SUPT20HL2: variants seen among roughly 807,000 people sequenced by gnomAD.
SUPT20HL2 encodes transcription factor SPT20 homolog-like 2.
For missense variants in SUPT20HL2, 288 were observed against 127.4 expected, an observed-to-expected ratio of 2.26 and a Z score of -6.07; for synonymous variants, 125 against 51.6, an observed-to-expected ratio of 2.42 and a Z score of -6.10.
chrX:24,309,717 G>GAAAAAAAAAAAAAAAAAA lies in SUPT20HL2; in HGVS notation c.*1144_*1145insTTTTTTTTTTTTTTTTTT, dbSNP rs1939097074. Among the ~76,000 whole-genome samples the GAAAAAAAAAAAAAAAAAA allele has an allele frequency of 1.4e-4, 2 of 13,836 alleles. No homozygotes were observed. The highest frequency in any genetic ancestry group is 2.2e-4 in the Non-Finnish European group (2 of 9,294). 12.0% of individuals were successfully genotyped at this position (13,836 alleles called of 115,157 possible). ...TAAAAAAAAAAATTAAAAAAAAAAA[G>GAAAAAAAAAAAAAAAAAA]AAAAAAATAATAAAAATAAAAAAAA... On this transcript the variant is annotated 3_prime_UTR_variant, in exon 1 of 1. Transcript: ENST00000486479.
Position 24,308,436 on chromosome X carries a change from A to G in SUPT20HL2, c.*2426T>C. 1 of 299,101 alleles carries G rather than the reference A, an allele frequency of 3.3e-6. No individual in the cohort carries two copies. The highest frequency in any genetic ancestry group is 6.5e-6 in the Non-Finnish European group (1 of 153,184). The allele number at this position is 299,101 out of a possible 1,213,427, so 24.6% of individuals were successfully genotyped here. ...TGGTCATTGCACTCGTTCGCCTCTT[A>G]AAAGTGCAGGCACCATTCCCAATTA... On this transcript the variant is annotated 3_prime_UTR_variant, in exon 1 of 1. Transcript: ENST00000486479.
chrX:24,311,123 C>T lies in SUPT20HL2; in HGVS notation c.2193G>A (p.Leu731=). 1 of 370,564 alleles carries T rather than the reference C, an allele frequency of 2.7e-6. No homozygotes were observed. Among genetic ancestry groups the T allele is most frequent in the East Asian group, 7.9e-5 (1 of 12,627 alleles). The allele number at this position is 370,564 out of a possible 1,213,427, so 30.5% of individuals were successfully genotyped here. A position where few individuals can be genotyped will look rare whatever the true frequency, so the allele number is the denominator to read the frequency against. Residue 731 remains leucine (L), a synonymous_variant, in exon 1 of 1, where the codon CTG becomes CTA. Coordinates refer to ENST00000486479, the MANE Select transcript of SUPT20HL2 (RefSeq NM_001136233.3). ...QPQPQAAVLS[L]LGSAQVPQQG... ...GCTGAGGAACCTGGGCAGAGCCAAG[C>T]AGACTCAACACAGCAGCCTGGGGCT...
Position 24,311,020 on chromosome X carries a change from G to T in SUPT20HL2, c.2296C>A (p.Gln766Lys), listed in dbSNP as rs746355786. The T allele has an allele frequency of 2.6e-6, 1 of 381,658 alleles. No individual in the cohort carries two copies. Among genetic ancestry groups the T allele is most frequent in the African/African-American group, 2.5e-5 (1 of 39,260 alleles). The allele number at this position is 381,658 out of a possible 1,213,427, so 31.5% of individuals were successfully genotyped here. ...LLLQPQPQPQ[Q>K]IQLQTQPLRV... ...AAAGGCTGTGTCTGGAGCTGGATCT[G>T]CTGTGGCTGTGGTTGTGGCTGCAGC... Residue 766 changes from glutamine to lysine, a missense_variant, in exon 1 of 1, where the codon CAG becomes AAG. Gln to Lys is a moderately conservative substitution (Grantham distance 53). Transcript: ENST00000486479.
At position 24,309,704 on chromosome X, in the gene SUPT20HL2, T is replaced by TAAAAAAAAAAAAAAAAA. The variant is rs1569195653; in HGVS notation, c.*1157_*1158insTTTTTTTTTTTTTTTTT. 5.4e-5 allele frequency among the ~76,000 whole-genome samples: 1 copy of TAAAAAAAAAAAAAAAAA among 18,355 alleles called. No homozygotes were observed. The highest frequency in any genetic ancestry group is 3.0e-4 in the African/African-American group (1 of 3,386). 15.9% of individuals were successfully genotyped at this position (18,355 alleles called of 115,157 possible). On this transcript the variant is annotated 3_prime_UTR_variant, in exon 1 of 1. Transcript: ENST00000486479. ...AAAAAAAAAAAATTAAAAAAAAAAA[T>TAAAAAAAAAAAAAAAAA]TAAAAAAAAAAAGAAAAAAATAATA...
At position 24,311,662 on chromosome X, in the gene SUPT20HL2, C is replaced by T. The variant is rs189357682; in HGVS notation, c.1654G>A (p.Gly552Arg). 1.8e-5 allele frequency: 7 copies of T among 382,852 alleles called. No homozygotes were observed. Among genetic ancestry groups the T allele is most frequent in the African/African-American group, 1.0e-4 (4 of 39,088 alleles). The allele number at this position is 382,852 out of a possible 1,213,427, so 31.6% of individuals were successfully genotyped here. The change falls in exon 1 of 1, where the codon GGG becomes AGG. Residue 552 changes from glycine (G) to arginine (R), a missense_variant. Coordinates refer to ENST00000486479, the MANE Select transcript of SUPT20HL2 (RefSeq NM_001136233.3). ...IKASRRRPAA[G>R]RPTRFVKIAP... ...ATTTTTACGAATCTGGTGGGGCGCCCGGCAGCTGGACGGCGCCTGCTAGCT... is the reference window on the plus strand; with the variant it reads ...ATTTTTACGAATCTGGTGGGGCGCCTGGCAGCTGGACGGCGCCTGCTAGCT...
In SUPT20HL2 at chrX:24,311,305, C is replaced by G. The variant is rs1939122755; in HGVS notation, c.2011G>C (p.Val671Leu). The change falls in exon 1 of 1, where the codon GTT (valine) becomes CTT (leucine). Residue 671 changes from valine (V) to leucine (L), a missense_variant. Val to Leu is a conservative substitution (Grantham distance 32). Coordinates refer to ENST00000486479, the MANE Select transcript of SUPT20HL2 (RefSeq NM_001136233.3). ...GGCTGCTGGAGCTGCTGCAGGGAAA[C>G]CAGCTGATGGGACTGCTGCTGCGGG... The part of the protein sequence containing the change: ...TGPQQQSHQL[V>L]SLQQLQQPTA... The G allele has an allele frequency of 2.6e-6, 1 of 386,431 alleles. No homozygotes were observed. Among genetic ancestry groups the G allele is most frequent in the Non-Finnish European group, 5.2e-6 (1 of 192,523 alleles). The allele number at this position is 386,431 out of a possible 1,213,427, so 31.8% of individuals were successfully genotyped here. A position where few individuals can be genotyped will look rare whatever the true frequency, so the allele number is the denominator to read the frequency against.
At position 24,311,683 on chromosome X, in the gene SUPT20HL2, T is replaced by C. The variant is rs374633045; in HGVS notation, c.1633A>G (p.Ser545Gly). ...CGCCCGGCAGCTGGACGGCGCCTGC[T>C]AGCTTTAATAAGAGGCACAGAGGGC... ...QKPSVPLIKA[S>G]RRRPAAGRPT... Residue 545 changes from serine (S) to glycine (G), a missense_variant, in exon 1 of 1, where the codon AGC (serine) becomes GGC (glycine). Ser to Gly is a moderately conservative substitution (Grantham distance 56). Transcript: ENST00000486479. 1.0e-4 allele frequency: 39 copies of C among 380,859 alleles called. No individual in the cohort carries two copies. Among genetic ancestry groups the C allele is most frequent in the African/African-American group, 7.6e-4 (30 of 39,377 alleles). 31.4% of individuals were successfully genotyped at this position (380,859 alleles called of 1,213,427 possible).
rs1390230579 is a variant in SUPT20HL2 at position 24,312,577 on chromosome X, C to T, written c.739G>A (p.Val247Ile). The T allele has an allele frequency of 5.2e-6, 2 of 387,365 alleles. No individual in the cohort carries two copies. The highest frequency in any genetic ancestry group is 5.0e-5 in the Admixed American group (2 of 39,616). The allele number at this position is 387,365 out of a possible 1,213,427, so 31.9% of individuals were successfully genotyped here. ...QCLQRYSWPS[V>I]KPQQEQSDCP... ...TCAGACTGCTCCTGCTGTGGCTTTACAGAGGGCCACGAATACCTCTGGAGG... is the reference window on the plus strand; with the variant it reads ...TCAGACTGCTCCTGCTGTGGCTTTATAGAGGGCCACGAATACCTCTGGAGG... The change falls in exon 1 of 1, where the codon GTA (valine) becomes ATA (isoleucine). Residue 247 changes from valine (V) to isoleucine (I), a missense_variant. Physicochemically the swap from Val to Ile is conservative, Grantham distance 29. Transcript: ENST00000486479.
rs1939105384 is a variant in SUPT20HL2 at position 24,309,765 on chromosome X, A to AAAAAAAC, written c.*1096_*1097insGTTTTTT. On this transcript the variant is annotated 3_prime_UTR_variant, in exon 1 of 1. Coordinates refer to ENST00000486479, the MANE Select transcript of SUPT20HL2 (RefSeq NM_001136233.3). ...AAAAAAGAAAAAAAAAAAAAAAAAA[A>AAAAAAAC]AAAACATCCAAAAAGAGCCTTTTCA... Among the ~76,000 whole-genome samples, 1 of 92,770 alleles carries AAAAAAAC rather than the reference A, an allele frequency of 1.1e-5. No homozygotes were observed. The allele number at this position is 92,770 out of a possible 115,157, so 80.6% of individuals were successfully genotyped here. A position where few individuals can be genotyped will look rare whatever the true frequency, so the allele number is the denominator to read the frequency against.
In SUPT20HL2 at chrX:24,311,742, G is replaced by A. The variant is rs751946806; in HGVS notation, c.1574C>T (p.Ala525Val). The change falls in exon 1 of 1, where the codon GCG (alanine) becomes GTG (valine). Residue 525 changes from alanine (A) to valine (V), a missense_variant. Physicochemically the swap from Ala to Val is moderately conservative, Grantham distance 64. Transcript: ENST00000486479. Reference sequence around the variant, plus strand: ...ATGGCTTGGTGCCGCCCCACCGGCCGCCGCCGCCACAGCAGCAGCAGCTAA... The same window carrying A: ...ATGGCTTGGTGCCGCCCCACCGGCCACCGCCGCCACAGCAGCAGCAGCTAA... ...PALAAAAVAA[A>V]AGGAAPSHSQ... 11 of 353,724 alleles carry A rather than the reference G, an allele frequency of 3.1e-5. No homozygotes were observed. Among genetic ancestry groups the A allele is most frequent in the African/African-American group, 2.6e-4 (10 of 38,257 alleles). The allele number at this position is 353,724 out of a possible 1,213,427, so 29.2% of individuals were successfully genotyped here.
At position 24,309,900 on chromosome X, in the gene SUPT20HL2, TTA is replaced by T. The variant is rs1338106983; in HGVS notation, c.*960_*961del. Among the ~76,000 whole-genome samples the T allele has an allele frequency of 3.0e-4, 33 of 109,305 alleles. No homozygotes were observed. The highest frequency in any genetic ancestry group is 1.0e-3 in the African/African-American group (31 of 30,094). The allele number at this position is 109,305 out of a possible 115,157, so 94.9% of individuals were successfully genotyped here. A position where few individuals can be genotyped will look rare whatever the true frequency, so the allele number is the denominator to read the frequency against. On this transcript the variant is annotated 3_prime_UTR_variant, in exon 1 of 1. Coordinates refer to ENST00000486479, the MANE Select transcript of SUPT20HL2 (RefSeq NM_001136233.3). ...CTGCCACTAATTCCATTCCACAGCT[TTA>T]GAGGTCTCCCATGTATTCAATCGCA...
rs1448226823 is a variant in SUPT20HL2, at chrX:24,311,971, C to T, written c.1345G>A (p.Val449Ile). 5 of 378,723 alleles carry T rather than the reference C, an allele frequency of 1.3e-5. No homozygotes were observed. The highest frequency in any genetic ancestry group is 2.6e-5 in the Non-Finnish European group (5 of 189,760). 31.2% of individuals were successfully genotyped at this position (378,723 alleles called of 1,213,427 possible). ...KTPEQPDPVW[V>I]QSSVSGKGEK... Reference sequence around the variant, plus strand: ...CCCTTCCCGGATACTGAAGACTGGACCCACACAGGATCAGGCTGTTCTGGT... The same window carrying T: ...CCCTTCCCGGATACTGAAGACTGGATCCACACAGGATCAGGCTGTTCTGGT... The change falls in exon 1 of 1, where the codon GTC becomes ATC. Residue 449 changes from valine to isoleucine, a missense_variant. By Grantham distance (29) the Val-to-Ile change is conservative (BLOSUM62 3). Transcript: ENST00000486479.
In SUPT20HL2 at chrX:24,311,830, C is replaced by G. The variant is rs760349651; in HGVS notation, c.1486G>C (p.Ala496Pro). The change falls in exon 1 of 1, where the codon GCT (alanine) becomes CCT (proline). Residue 496 changes from alanine (A) to proline (P), a missense_variant. Transcript: ENST00000486479. ...GSPLKRPFPA[A>P]APAVAAAAPA... ...GCAGCAGCAGCTACAGCAGGAGCAG[C>G]AGCAGGAAATGGACGCTTAAGAGGG... 1.7e-5 allele frequency: 6 copies of G among 347,783 alleles called. No individual in the cohort carries two copies. Among genetic ancestry groups the G allele is most frequent in the Non-Finnish European group, 3.5e-5 (6 of 172,904 alleles). The allele number at this position is 347,783 out of a possible 1,213,427, so 28.7% of individuals were successfully genotyped here. A position where few individuals can be genotyped will look rare whatever the true frequency, so the allele number is the denominator to read the frequency against.
In SUPT20HL2 at chrX:24,313,064, G is replaced by T. The variant is rs2148138000; in HGVS notation, c.252C>A (p.Gly84=). 2.8e-6 allele frequency: 1 copy of T among 361,801 alleles called. No homozygotes were observed. The highest frequency in any genetic ancestry group is 5.5e-6 in the Non-Finnish European group (1 of 181,250). 29.8% of individuals were successfully genotyped at this position (361,801 alleles called of 1,213,427 possible). A position where few individuals can be genotyped will look rare whatever the true frequency, so the allele number is the denominator to read the frequency against. Residue 84 remains glycine (G), a synonymous_variant, in exon 1 of 1, where the codon GGC becomes GGA. Coordinates refer to ENST00000486479, the MANE Select transcript of SUPT20HL2 (RefSeq NM_001136233.3). ...LPCLLVNLYP[G]NQGYSVMLQR... ...GGAGCATCACAGAATACCCCTGATT[G>T]CCTGGGTATAGATTGACCAGTAAAC...
In SUPT20HL2 at chrX:24,308,757, G is replaced by C. The variant is rs555407563; in HGVS notation, c.*2105C>G. Among the ~76,000 whole-genome samples the C allele has an allele frequency of 8.9e-6, 1 of 112,094 alleles. No homozygotes were observed. Among genetic ancestry groups the C allele is most frequent in the African/African-American group, 3.2e-5 (1 of 30,878 alleles). The stretch of plus-strand genomic sequence containing the variant: ...ATATGAGGTGCTAGAACAGATGCTT[G>C]TACATGAAAGTTGACAGCAGCTCTA... On this transcript the variant is annotated 3_prime_UTR_variant, in exon 1 of 1. Transcript: ENST00000486479.
At position 24,310,309 on chromosome X, in the gene SUPT20HL2, G is replaced by C. The variant is rs143162394; in HGVS notation, c.*553C>G. On this transcript the variant is annotated 3_prime_UTR_variant, in exon 1 of 1. Coordinates refer to ENST00000486479, the MANE Select transcript of SUPT20HL2 (RefSeq NM_001136233.3). Reference sequence around the variant, plus strand: ...CTGGATGAGGGAGAATGGGGAGCTGGTGTTCAATGGGCATGAGTTTCAGTG... The same window carrying C: ...CTGGATGAGGGAGAATGGGGAGCTGCTGTTCAATGGGCATGAGTTTCAGTG... 0.11 allele frequency among the ~76,000 whole-genome samples: 12,222 copies of C among 111,198 alleles called. 783 individuals are homozygous for C. The highest frequency in any genetic ancestry group is 0.22 in the African/African-American group (6,624 of 30,464).
At position 24,311,105 on chromosome X, in the gene SUPT20HL2, A is replaced by G; in HGVS notation, c.2211T>C (p.Val737=). The G allele has an allele frequency of 8.1e-6, 3 of 368,933 alleles. No homozygotes were observed. The highest frequency in any genetic ancestry group is 1.6e-5 in the Non-Finnish European group (3 of 183,527). The allele number at this position is 368,933 out of a possible 1,213,427, so 30.4% of individuals were successfully genotyped here. A position where few individuals can be genotyped will look rare whatever the true frequency, so the allele number is the denominator to read the frequency against. Residue 737 remains valine (V), a synonymous_variant, in exon 1 of 1, where the codon GTT becomes GTC. Transcript: ENST00000486479. Reference sequence around the variant, plus strand: ...AGGGGAGCTGGACACCCTGCTGAGGAACCTGGGCAGAGCCAAGCAGACTCA... The same window carrying G: ...AGGGGAGCTGGACACCCTGCTGAGGGACCTGGGCAGAGCCAAGCAGACTCA... The part of the protein sequence containing the change: ...AVLSLLGSAQ[V]PQQGVQLPFV...
rs1427570937 is a variant in SUPT20HL2, at chrX:24,313,706, G to A, written c.-391C>T. The A allele has an allele frequency of 5.5e-6, 2 of 360,468 alleles. No homozygotes were observed. The highest frequency in any genetic ancestry group is 2.8e-5 in the African/African-American group (1 of 35,936). The allele number at this position is 360,468 out of a possible 1,213,427, so 29.7% of individuals were successfully genotyped here. ...ACCTGAGGGGTCGTCGTCGTGGCCCGGGCTTCACGTCTCTGCGGCCTGGAA... is the reference window on the plus strand; with the variant it reads ...ACCTGAGGGGTCGTCGTCGTGGCCCAGGCTTCACGTCTCTGCGGCCTGGAA... On this transcript the variant is annotated 5_prime_UTR_variant, in exon 1 of 1. Transcript: ENST00000486479.
chrX:24,312,088 C>G lies in SUPT20HL2; in HGVS notation c.1228G>C (p.Glu410Gln), dbSNP rs1315674260. 2.7e-6 allele frequency: 1 copy of G among 370,019 alleles called. No individual in the cohort carries two copies. Among genetic ancestry groups the G allele is most frequent in the Non-Finnish European group, 5.4e-6 (1 of 184,749 alleles). The allele number at this position is 370,019 out of a possible 1,213,427, so 30.5% of individuals were successfully genotyped here. The change falls in exon 1 of 1, where the codon GAA (glutamate) becomes CAA (glutamine). Residue 410 changes from glutamate to glutamine, a missense_variant. Physicochemically the swap from Glu to Gln is conservative, Grantham distance 29. Coordinates refer to ENST00000486479, the MANE Select transcript of SUPT20HL2 (RefSeq NM_001136233.3). ...CCTTTGACTTTGCTCTGCACCGATT[C>G]CTGGGCCTGACTCACTGCCCTCCCA... ...DAGRAVSQAQ[E>Q]SVQSKVKGPG...
Sources: gnomAD v4.1 joint callset for allele counts (sites outside exome capture counted in the v4.1 genomes callset) on GRCh38, gnomAD v4.1.1 for gene constraint, MANE v1.5 for transcripts, NCBI Gene and HGNC (gene_info 2026-07-23, HGNC 2026-07-21) for gene names.